Variants in SCUBE1 observed in about 807,000 individuals in gnomAD.
The protein encoded by SCUBE1 is signal peptide, CUB domain and EGF like domain containing 1, also known as signal peptide, CUB and EGF-like domain-containing protein 1.
In SCUBE1, 59 loss-of-function variants were observed where a neutral mutation model predicts 124.4. The ratio of observed to expected loss-of-function variants is 0.47; its 90% CI spans 0.38 to 0.59. SCUBE1 has a LOEUF of 0.59. Among genes scored for constraint, SCUBE1 ranks in the 20% least tolerant of loss-of-function variants. The pLI is 0.00. For missense variants in SCUBE1, 1,150 were observed against 1,371.2 expected (o/e 0.84, Z 2.55); for synonymous variants, 545 against 550.9 (o/e 0.99, Z 0.15).
At chr22:43,292,223 C>T (rs1372659565) in intron 3 of SCUBE1, among the ~76,000 whole-genome samples, 1 of 152,062 alleles carries the variant, frequency 6.6e-6, no homozygotes, top group African/African-American at 2.4e-5. Flanking sequence ...CCCTGACCTC[C>T]GGCTGCCAAG....
intron 4 of SCUBE1, among the ~76,000 whole-genome samples, chr22:43,287,723 G>A (rs569212095): frequency 2.0e-5 from 3 of 152,358 alleles, no homozygotes; most frequent in East Asian, 3.9e-4. Context: ...TTTGCCAAAT[G>A]GCTCTGTCTC....
chr22:43,226,729 C>A (rs1476312263), intron 10 of SCUBE1, among the ~76,000 whole-genome samples: 2 of 151,582 alleles, frequency 1.3e-5, no homozygotes, highest in Non-Finnish European at 3.0e-5. Context: ...TGTGGCGGGG[C>A]AAGGACCCGG....
rs1417992347 is a variant in SCUBE1 at position 43,211,134 on chromosome 22, G to A, written c.2222-51C>T. ...GTGGGTGTGGAGGGGTGCAGGGAAA[G>A]GGCAGCACTGGGGTGCTGTCCCCAG... On this transcript the variant is annotated intron_variant, in intron 17 of 21. Transcript: ENST00000360835. This position sits in a 1 kb window ranked among gnomAD's most constrained non-coding sequence, Gnocchi z 4.5. 12 of 1,548,052 alleles carry A rather than the reference G, an allele frequency of 7.8e-6. No individual in the cohort carries two copies. The Admixed American group carries it at 1.2e-4, about 15-fold the overall frequency.
intron 4 of SCUBE1, among the ~76,000 whole-genome samples, chr22:43,265,114 A>G (rs1924012513): frequency 6.6e-6 from 1 of 152,236 alleles, no homozygotes; most frequent in Non-Finnish European, 1.5e-5. Flanking sequence ...CTTGCTAATC[A>G]TCACCAACCA....
In SCUBE1 at chr22:43,201,680, G is replaced by T. The variant is rs1409791446; in HGVS notation, c.*2317C>A. Reference sequence around the variant, plus strand: ...TGGACTCAGACTGAGTTACGGTGTGGCTTCTCCTGGTCTCCCAATCGCAGA... The same window carrying T: ...TGGACTCAGACTGAGTTACGGTGTGTCTTCTCCTGGTCTCCCAATCGCAGA... On this transcript the variant is annotated 3_prime_UTR_variant, in exon 22 of 22. Coordinates refer to ENST00000360835, the MANE Select transcript of SCUBE1 (RefSeq NM_173050.5). The T allele has an allele frequency of 2.0e-5, 3 of 152,192 alleles. No individual in the cohort carries two copies. The highest frequency in any genetic ancestry group is 4.4e-5 in the Non-Finnish European group (3 of 68,044). The allele number at this position is 152,192 out of a possible 1,614,324, so 9.4% of individuals were successfully genotyped here. A position where few individuals can be genotyped will look rare whatever the true frequency, so the allele number is the denominator to read the frequency against.
At chr22:43,340,437 A>T (rs150858519) in intron 1 of SCUBE1, among the ~76,000 whole-genome samples, 1 of 151,490 alleles carries the variant, frequency 6.6e-6, no homozygotes, top group Non-Finnish European at 1.5e-5. Flanking sequence ...GATTCTGTGT[A>T]TCCATTCCAT....
intron 6 of SCUBE1, among the ~76,000 whole-genome samples, chr22:43,257,245 AACCCT>A (rs1007522430): frequency 6.6e-6 from 1 of 152,148 alleles, no homozygotes; most frequent in Non-Finnish European, 1.5e-5. Flanking sequence ...TCTGCTGACC[AACCCT>A]GTCCTGTCCC....
At chr22:43,206,341 A>G (rs1000859104) in intron 21 of SCUBE1, among the ~76,000 whole-genome samples, 1 of 150,188 alleles carries the variant, frequency 6.7e-6, no homozygotes, top group African/African-American at 2.5e-5. Flanking sequence ...GAACACCTCC[A>G]AACTCACCAC....
chr22:43,275,112 G>A (rs1197003422), intron 4 of SCUBE1, among the ~76,000 whole-genome samples: 1 of 152,222 alleles, frequency 6.6e-6, no homozygotes, highest in East Asian at 1.9e-4. Flanking sequence ...GGCAGCGGGA[G>A]GGAAAGGTGT....
rs1258325724 is a variant in SCUBE1 at position 43,234,274 on chromosome 22, C to T, written c.845-2399G>A. ...TGATGCTGGGCAGGGAAAGGCACCT[C>T]TCTGAGCCTTAGGATCCCATCTGCA... is the stretch of plus-strand genomic sequence containing the variant. On this transcript the variant is annotated intron_variant, in intron 7 of 21. Coordinates refer to ENST00000360835, the MANE Select transcript of SCUBE1 (RefSeq NM_173050.5). The surrounding 1 kb of genome is among the most constrained non-coding windows in gnomAD (Gnocchi z 4.4). 1.3e-5 allele frequency among the ~76,000 whole-genome samples: 2 copies of T among 152,204 alleles called. No individual in the cohort carries two copies. The highest frequency in any genetic ancestry group is 4.8e-5 in the African/African-American group (2 of 41,440).
At chr22:43,214,046 C>CCGGGGGGGGGGGGGG in intron 16 of SCUBE1, 44 bp downstream of exon 16, 3 of 422,702 alleles carry the variant, frequency 7.1e-6, no homozygotes, top group Non-Finnish European at 1.2e-5. Flanking sequence ...GAGGAGCCCC[C>CCGGGGGGGGGGGGGG]GCCCACCCCC....
chr22:43,271,870 T>A (rs1457286058), intron 4 of SCUBE1, among the ~76,000 whole-genome samples: 2 of 152,126 alleles, frequency 1.3e-5, no homozygotes, highest in Non-Finnish European at 2.9e-5. Context: ...CATTCCTAAT[T>A]GAACATCTCA....
At chr22:43,219,804 G>T (rs910558633) in intron 14 of SCUBE1, among the ~76,000 whole-genome samples, 8 of 151,898 alleles carry the variant, frequency 5.3e-5, no homozygotes, top group African/African-American at 9.7e-5. Context: ...GCCCTCCCGT[G>T]GGGGGCAGAC....
At chr22:43,320,586 A>G (rs1291384261) in intron 2 of SCUBE1, among the ~76,000 whole-genome samples, 2 of 152,224 alleles carry the variant, frequency 1.3e-5, no homozygotes. Flanking sequence ...TCAAAGGGCT[A>G]TCAATTCTGG....
intron 4 of SCUBE1, among the ~76,000 whole-genome samples, chr22:43,281,528 CA>C (rs1924885843): frequency 2.2e-5 from 2 of 92,580 alleles, no homozygotes; most frequent in African/African-American, 4.2e-5. Flanking sequence ...ACCCTCCTGT[CA>C]CCTCCCTCAG....
intron 1 of SCUBE1, among the ~76,000 whole-genome samples, chr22:43,340,480 TTAC>T (rs1166717593): frequency 1.7e-5 from 2 of 119,794 alleles, no homozygotes; most frequent in Non-Finnish European, 3.4e-5. Flanking sequence ...CTTGTCTCTT[TTAC>T]ACACACACAC....
chr22:43,326,094 G>A (rs1926718804), intron 2 of SCUBE1, among the ~76,000 whole-genome samples: 1 of 151,718 alleles, frequency 6.6e-6, no homozygotes, highest in African/African-American at 2.4e-5. Flanking sequence ...CCTCAAAATC[G>A]GGACTGACTA....
chr22:43,288,714 GT>G (rs1925244038), intron 4 of SCUBE1, among the ~76,000 whole-genome samples: 1 of 152,206 alleles, frequency 6.6e-6, no homozygotes, highest in African/African-American at 2.4e-5. Context: ...CATAGCTAGC[GT>G]GCCTGGCTCA....
In SCUBE1 at chr22:43,201,175, G is replaced by C. The variant is rs1004428075; in HGVS notation, c.*2822C>G. ...AAAAATTAGCCGGGCAAGGTGGTGG[G>C]TGCCTGTAGTCCCAGCTACTCGGGA... On this transcript the variant is annotated 3_prime_UTR_variant, in exon 22 of 22. Coordinates refer to ENST00000360835, the MANE Select transcript of SCUBE1 (RefSeq NM_173050.5). 9.3e-5 allele frequency: 14 copies of C among 151,330 alleles called. No individual in the cohort carries two copies. Among genetic ancestry groups the C allele is most frequent in the African/African-American group, 2.9e-4 (12 of 41,208 alleles). 9.4% of individuals were successfully genotyped at this position (151,330 alleles called of 1,614,324 possible).
Sources: allele counts gnomAD v4.1 joint callset (sites outside exome capture counted in the v4.1 genomes callset), GRCh38; gene constraint gnomAD v4.1.1; non-coding constraint Gnocchi (gnomAD v3.1); transcripts MANE v1.5; gene names NCBI Gene and HGNC (gene_info 2026-07-23, HGNC 2026-07-21).